GRM7: variants seen among roughly 807,000 people sequenced by gnomAD.
GRM7 encodes the protein metabotropic glutamate receptor 7.
In GRM7, 35 loss-of-function variants were observed where a neutral mutation model predicts 84.5. The observed-to-expected ratio is 0.41, with a 90% CI of 0.32 to 0.55. The LOEUF (loss-of-function observed/expected upper bound fraction) is 0.55. Among genes scored for constraint, GRM7 ranks in the 20% least tolerant of loss-of-function variants. GRM7 has a pLI of 0.19. For missense variants in GRM7, 1,003 were observed against 1,194.6 expected (o/e 0.84, Z 2.36); for synonymous variants, 487 against 455.1 (o/e 1.07, Z -0.89).
chr3:7,585,171 G>C (rs140074989), intron 8 of GRM7, among the ~76,000 whole-genome samples: 1 of 152,180 alleles, frequency 6.6e-6, no homozygotes, highest in Non-Finnish European at 1.5e-5. Flanking sequence ...AACTCATACT[G>C]GTTGTTGAGG....
chr3:6,879,874 G>A (rs1695444472), intron 1 of GRM7, among the ~76,000 whole-genome samples: 1 of 152,208 alleles, frequency 6.6e-6, no homozygotes, highest in Admixed American at 6.5e-5. Context: ...GTATCCATGA[G>A]GGACTAGGTT....
chr3:7,675,704 C>A (rs966149618), intron 8 of GRM7, among the ~76,000 whole-genome samples: 3 of 152,180 alleles, frequency 2.0e-5, no homozygotes, highest in African/African-American at 7.2e-5. Flanking sequence ...TTTATAAACA[C>A]TATTACTTAA....
chr3:6,929,605 G>A (rs17046382), intron 1 of GRM7, among the ~76,000 whole-genome samples: 4,911 of 152,080 alleles, frequency 0.032, 259 homozygotes, highest in African/African-American at 0.11. Flanking sequence ...AGTGCATATT[G>A]TCTACAATTG....
At chr3:7,553,981 A>C (rs1345335619) in intron 7 of GRM7, among the ~76,000 whole-genome samples, 1 of 152,182 alleles carries the variant, frequency 6.6e-6, no homozygotes, top group Admixed American at 6.5e-5. Flanking sequence ...CAAGAACTCA[A>C]CTAATGGGGG....
At position 7,065,164 on chromosome 3, in the gene GRM7, C is replaced by T. The variant is rs556776161; in HGVS notation, c.520-81288C>T. On this transcript the variant is annotated intron_variant, in intron 1 of 9. Transcript: ENST00000357716. ...TGTCTATTTAGTTTGCTGACTGTTCCTTTTGCTGTGCAAAAGCTCTTTAGT... is the reference window on the plus strand; with the variant it reads ...TGTCTATTTAGTTTGCTGACTGTTCTTTTTGCTGTGCAAAAGCTCTTTAGT... Among the ~76,000 whole-genome samples, 250 of 151,920 alleles carry T rather than the reference C, an allele frequency of 1.6e-3. 1 individual carries two copies. The highest frequency in any genetic ancestry group is 5.6e-3 in the African/African-American group (233 of 41,486).
rs778533603 is a variant in GRM7, at chr3:7,486,487, G to A, written c.1515+24765G>A. ...CGTACTCCTTTATGAAGGGATTAAT[G>A]CAGTCACTGGGAGAGTGAGTGAGTT... On this transcript the variant is annotated intron_variant, in intron 7 of 9. Coordinates refer to ENST00000357716, the MANE Select transcript of GRM7 (RefSeq NM_000844.4). This position sits in a 1 kb window ranked among gnomAD's most constrained non-coding sequence, Gnocchi z 5.5. Among the ~76,000 whole-genome samples, 3 of 152,146 alleles carry A rather than the reference G, an allele frequency of 2.0e-5. No individual in the cohort carries two copies. The highest frequency in any genetic ancestry group is 4.4e-5 in the Non-Finnish European group (3 of 68,038).
At chr3:7,493,160 A>T (rs1575414144) in intron 7 of GRM7, among the ~76,000 whole-genome samples, 2 of 152,044 alleles carry the variant, frequency 1.3e-5, no homozygotes, top group South Asian at 4.1e-4. Context: ...TGGGTGAAGT[A>T]TTCTGTATAT....
rs796867081 is a variant in GRM7 at position 7,622,367 on chromosome 3, T to C, written c.2451+43010T>C. ...AGACTGCCTTGGCTGTGAACAAATC[T>C]GCTTTCAGTGTTCAAACATTTTACA... is the stretch of plus-strand genomic sequence containing the variant. On this transcript the variant is annotated intron_variant, in intron 8 of 9. Transcript: ENST00000357716. Among the ~76,000 whole-genome samples, 7 of 152,140 alleles carry C rather than the reference T, an allele frequency of 4.6e-5. No individual in the cohort carries two copies. The South Asian group carries it at 1.2e-3, about 27-fold the overall frequency.
rs145862340 is a variant in GRM7 at position 7,457,207 on chromosome 3, A to T, written c.1376-4376A>T. The stretch of plus-strand genomic sequence containing the variant: ...AGTTCTGTTCCAGATAGCAGAGTAT[A>T]ATTTAATAATTCTGGTCTTCACATT... On this transcript the variant is annotated intron_variant, in intron 6 of 9. Transcript: ENST00000357716. 8.5e-5 allele frequency among the ~76,000 whole-genome samples: 13 copies of T among 152,326 alleles called. No homozygotes were observed. In the East Asian group the frequency reaches 2.5e-3, roughly 29 times the overall value.
chr3:7,144,824 C>T (rs1250466027), intron 1 of GRM7, among the ~76,000 whole-genome samples: 2 of 152,240 alleles, frequency 1.3e-5, no homozygotes, highest in Admixed American at 1.3e-4. Flanking sequence ...ACAAGTTGCT[C>T]AGGTAGAAGG....
At chr3:7,652,947 T>C (rs918222377) in intron 8 of GRM7, among the ~76,000 whole-genome samples, 1 of 152,176 alleles carries the variant, frequency 6.6e-6, no homozygotes, top group Non-Finnish European at 1.5e-5. Context: ...GGCACATCCC[T>C]GGTTCAGGCT....
At chr3:6,998,132 A>AAAAAAAAAAAAAAAAAAAAAAAAC (rs1694887431) in intron 1 of GRM7, among the ~76,000 whole-genome samples, 1 of 146,102 alleles carries the variant, frequency 6.8e-6, no homozygotes, top group Non-Finnish European at 1.5e-5. Flanking sequence ...AAAAAAAAAA[A>AAAAAAAAAAAAAAAAAAAAAAAAC]AAAAAAAGCA....
At chr3:7,348,753 C>A (rs1693003063) in intron 4 of GRM7, among the ~76,000 whole-genome samples, 1 of 152,116 alleles carries the variant, frequency 6.6e-6, no homozygotes, top group African/African-American at 2.4e-5. Flanking sequence ...TCTACTGAAT[C>A]AGAAACTATA....
At chr3:7,427,262 A>G (rs1696647700) in intron 5 of GRM7, among the ~76,000 whole-genome samples, 1 of 152,212 alleles carries the variant, frequency 6.6e-6, no homozygotes, top group Non-Finnish European at 1.5e-5. Context: ...GGAATAGAGA[A>G]CTAAGAAATG....
At chr3:7,345,325 A>G (rs1692841604) in intron 4 of GRM7, among the ~76,000 whole-genome samples, 1 of 149,616 alleles carries the variant, frequency 6.7e-6, no homozygotes, top group South Asian at 2.1e-4. Context: ...CCCAGGCTGG[A>G]GTGCAATGGT....
intron 7 of GRM7, among the ~76,000 whole-genome samples, chr3:7,521,812 G>A (rs909892846): frequency 3.9e-5 from 6 of 152,248 alleles, no homozygotes; most frequent in South Asian, 4.1e-4. Context: ...AAGTAGACAC[G>A]TAGAAACTCA....
chr3:7,171,556 A>G (rs1559483125), intron 2 of GRM7, among the ~76,000 whole-genome samples: 1 of 152,168 alleles, frequency 6.6e-6, no homozygotes, highest in Non-Finnish European at 1.5e-5. Flanking sequence ...TTATTTGTGC[A>G]GTGATGTCTA....
chr3:7,437,547 T>A (rs1460160066), intron 5 of GRM7, among the ~76,000 whole-genome samples: 6 of 152,144 alleles, frequency 3.9e-5, no homozygotes, highest in Non-Finnish European at 8.8e-5. Context: ...ATTAATTAAA[T>A]ATATAAATTT....
chr3:7,048,024 G>T (rs1244176131), intron 1 of GRM7, among the ~76,000 whole-genome samples: 2 of 151,936 alleles, frequency 1.3e-5, no homozygotes, highest in Non-Finnish European at 2.9e-5. Flanking sequence ...CATGAATATA[G>T]TTAATAATTC....
Sources: allele counts gnomAD v4.1 joint callset (sites outside exome capture counted in the v4.1 genomes callset), GRCh38; gene constraint gnomAD v4.1.1; non-coding constraint Gnocchi (gnomAD v3.1); transcripts MANE v1.5; gene names NCBI Gene and HGNC (gene_info 2026-07-23, HGNC 2026-07-21).